MCC: variants seen among roughly 807,000 people sequenced by gnomAD.
MCC encodes MCC regulator of Wnt signaling pathway, also known as colorectal mutant cancer protein.
In MCC, 90 loss-of-function variants were observed where a neutral mutation model predicts 116.2. That is an observed-to-expected ratio of 0.77 (90% CI 0.65 to 0.92). The LOEUF is 0.92. Among genes scored for constraint, MCC ranks in the 40% least tolerant of loss-of-function variants. The pLI, the probability that MCC is intolerant of heterozygous loss-of-function variation, is 0.00. For synonymous variants in MCC, 578 were observed against 510.5 expected, an observed-to-expected ratio of 1.13 and a Z score of -1.78; for missense variants, 1,516 against 1,312.2, an observed-to-expected ratio of 1.16 and a Z score of -2.40.
chr5:113,333,836 T>TAC (rs372077130), intron 3 of MCC, among the ~76,000 whole-genome samples: 2,226 of 58,614 alleles, frequency 0.038, 258 homozygotes, highest in African/African-American at 0.095. Flanking sequence ...TGTATATATG[T>TAC]ATATATGTAT....
chr5:113,237,438 C>T (rs192422818), intron 3 of MCC, among the ~76,000 whole-genome samples: 2 of 152,298 alleles, frequency 1.3e-5, no homozygotes, highest in Admixed American at 1.3e-4. Context: ...TTCCACTACC[C>T]ATTTAATGTT....
chr5:113,434,257 T>G lies in MCC; in HGVS notation c.171-49045A>C, dbSNP rs1413756112. The G allele has an allele frequency of 6.2e-7, 1 of 1,614,152 alleles. No homozygotes were observed. Among genetic ancestry groups the G allele is most frequent in the Non-Finnish European group, 8.5e-7 (1 of 1,180,000 alleles). On this transcript the variant is annotated intron_variant, in intron 1 of 18. Coordinates refer to ENST00000408903, the MANE Select transcript of MCC (RefSeq NM_001085377.2). This position sits in a 1 kb window ranked among gnomAD's most constrained non-coding sequence, Gnocchi z 4.2. ...CCTAGGCTCCAGATGTCGTACACCT[T>G]GGGCTGGTAGGGAATGCCCTGCAGC... is the stretch of plus-strand genomic sequence containing the variant.
chr5:113,384,967 C>A lies in MCC; in HGVS notation c.415+1G>T. ...TAAAACTGCCACCTGGTTATACCTACCCAAACTGTTGTCACTGCTCGTGGG... is the reference window on the plus strand; with the variant it reads ...TAAAACTGCCACCTGGTTATACCTAACCAAACTGTTGTCACTGCTCGTGGG... On this transcript the variant is annotated splice_donor_variant, in intron 2 of 18. Coordinates refer to ENST00000408903, the MANE Select transcript of MCC (RefSeq NM_001085377.2). LOFTEE classifies it high-confidence loss of function. 1.2e-6 allele frequency: 2 copies of A among 1,614,144 alleles called. No homozygotes were observed. Among genetic ancestry groups the A allele is most frequent in the Non-Finnish European group, 1.7e-6 (2 of 1,180,008 alleles).
intron 3 of MCC, among the ~76,000 whole-genome samples, chr5:113,196,506 A>AT (rs748936665): frequency 4.6e-5 from 7 of 152,204 alleles, no homozygotes; most frequent in Non-Finnish European, 5.9e-5. Context: ...AGAAATAGGG[A>AT]TTTTTAAGTG....
At chr5:113,354,504 G>A (rs1387907235) in intron 2 of MCC, among the ~76,000 whole-genome samples, 2 of 148,180 alleles carry the variant, frequency 1.3e-5, no homozygotes, top group African/African-American at 2.5e-5. Flanking sequence ...GCACGATCTC[G>A]GCTCACTGCA....
At chr5:113,232,739 T>G (rs907585170) in intron 3 of MCC, among the ~76,000 whole-genome samples, 1 of 152,170 alleles carries the variant, frequency 6.6e-6, no homozygotes, top group African/African-American at 2.4e-5. Context: ...AATATTTATA[T>G]GAGGCAGAAC....
chr5:113,051,829 G>C (rs959588134), intron 15 of MCC, among the ~76,000 whole-genome samples: 7 of 152,162 alleles, frequency 4.6e-5, no homozygotes, highest in African/African-American at 1.7e-4. Context: ...ACAGAAATTT[G>C]AATTTCTCAG....
intron 1 of MCC, among the ~76,000 whole-genome samples, chr5:113,480,745 T>A (rs1772357635): frequency 1.3e-5 from 2 of 152,190 alleles, no homozygotes; most frequent in South Asian, 2.1e-4. Context: ...AATCAAAAGG[T>A]GATTTGGAAG....
At chr5:113,461,343 T>C (rs1368998299) in intron 1 of MCC, among the ~76,000 whole-genome samples, 1 of 152,194 alleles carries the variant, frequency 6.6e-6, no homozygotes, top group Non-Finnish European at 1.5e-5. Flanking sequence ...GTATGGTCAA[T>C]AGATACTATT....
intron 2 of MCC, among the ~76,000 whole-genome samples, chr5:113,343,382 C>A (rs1768057567): frequency 6.6e-6 from 1 of 152,196 alleles, no homozygotes; most frequent in South Asian, 2.1e-4. Flanking sequence ...GATTGTATTG[C>A]AAGGCAGGTT....
At chr5:113,437,442 G>C (rs1449614268) in intron 1 of MCC, among the ~76,000 whole-genome samples, 1 of 152,088 alleles carries the variant, frequency 6.6e-6, no homozygotes, top group African/African-American at 2.4e-5. Flanking sequence ...TGTCTTCCAA[G>C]GATAAAGACA....
At chr5:113,335,367 T>C (rs1433585735) in intron 3 of MCC, among the ~76,000 whole-genome samples, 3 of 151,796 alleles carry the variant, frequency 2.0e-5, no homozygotes, top group Non-Finnish European at 4.4e-5. Context: ...CATCAATTAA[T>C]ACTTTTATTA....
chr5:113,031,508 G>C (rs1348747379), intron 17 of MCC, among the ~76,000 whole-genome samples: 5 of 151,620 alleles, frequency 3.3e-5, no homozygotes, highest in Non-Finnish European at 7.4e-5. Flanking sequence ...CAGCAGGGAA[G>C]GGTTTTTTGC....
intron 3 of MCC, among the ~76,000 whole-genome samples, chr5:113,213,194 CCTCT>C (rs1221551221): frequency 6.6e-6 from 1 of 152,180 alleles, no homozygotes; most frequent in Non-Finnish European, 1.5e-5. Flanking sequence ...CCTCTACACA[CCTCT>C]CTAACTTTCC....
At chr5:113,098,787 T>C (rs190655809) in intron 8 of MCC, among the ~76,000 whole-genome samples, 50 of 152,202 alleles carry the variant, frequency 3.3e-4, no homozygotes, top group Middle Eastern at 3.4e-3. Context: ...TTCTATACAA[T>C]GAATGTGGGC....
chr5:113,424,169 A>ACACACACACG (rs1395184405), intron 1 of MCC, among the ~76,000 whole-genome samples: 1 of 151,218 alleles, frequency 6.6e-6, no homozygotes, highest in Non-Finnish European at 1.5e-5. Context: ...ACACACACAC[A>ACACACACACG]CACACACACA....
chr5:113,471,890 C>T (rs1052872348), intron 1 of MCC, among the ~76,000 whole-genome samples: 25 of 152,152 alleles, frequency 1.6e-4, no homozygotes, highest in African/African-American at 4.3e-4. Flanking sequence ...GCCTTGCTGC[C>T]GCCTTGCAGT....
intron 3 of MCC, among the ~76,000 whole-genome samples, chr5:113,305,308 T>C (rs1766962331): frequency 6.6e-6 from 1 of 152,190 alleles, no homozygotes; most frequent in Non-Finnish European, 1.5e-5. Context: ...AACTTCCCCT[T>C]CTAAGCAAAT....
At chr5:113,478,846 A>G (rs1239206877) in intron 1 of MCC, among the ~76,000 whole-genome samples, 1 of 152,006 alleles carries the variant, frequency 6.6e-6, no homozygotes, top group African/African-American at 2.4e-5. Flanking sequence ...TTCTCACACT[A>G]TTTGTCAGGA....
Sources: allele counts gnomAD v4.1 joint callset (sites outside exome capture counted in the v4.1 genomes callset), GRCh38; gene constraint gnomAD v4.1.1; non-coding constraint Gnocchi (gnomAD v3.1); transcripts MANE v1.5; gene names NCBI Gene and HGNC (gene_info 2026-07-23, HGNC 2026-07-21).